Variants in ATAD1 observed in about 807,000 individuals in gnomAD.
The protein encoded by ATAD1 is outer mitochondrial transmembrane helix translocase.
ATAD1 carries 18 observed loss-of-function variants against 42.7 expected under a neutral mutation model. That is an observed-to-expected ratio of 0.42 (90% CI 0.29 to 0.63). ATAD1 has a LOEUF of 0.63. Among genes scored for constraint, ATAD1 ranks in the 20% least tolerant of loss-of-function variants. The probability of loss-of-function intolerance (pLI) is 0.19; values close to 1 mark genes in which losing one functional copy is unlikely to be tolerated. For synonymous variants in ATAD1, 132 were observed against 143.1 expected (o/e 0.92, Z 0.55); for missense variants, 294 against 440.4 (o/e 0.67, Z 2.98).
intron 1 of ATAD1, among the ~76,000 whole-genome samples, chr10:87,830,667 T>C (rs1021443653): frequency 6.6e-6 from 1 of 152,242 alleles, no homozygotes; most frequent in Non-Finnish European, 1.5e-5. Context: ...TACCACTCTC[T>C]AGAAAGTAAA....
chr10:87,780,489 T>TA (rs1176904469), intron 5 of ATAD1, among the ~76,000 whole-genome samples: 1 of 152,186 alleles, frequency 6.6e-6, no homozygotes, highest in African/African-American at 2.4e-5. Flanking sequence ...ATGCTAGTAT[T>TA]AATACTAGGA....
Position 87,778,728 on chromosome 10 carries a change from G to C in ATAD1, c.584-2301C>G, listed in dbSNP as rs117356666. 6.1e-3 allele frequency among the ~76,000 whole-genome samples: 929 copies of C among 152,090 alleles called. 10 individuals are homozygous for C. The highest frequency in any genetic ancestry group is 0.017 in the South Asian group (80 of 4,816). ...TTTTTGGATTACAGATGTTCAATCT[G>C]TATCTGCAAACACAAACAAAAAATT... On this transcript the variant is annotated intron_variant, in intron 5 of 9. Transcript: ENST00000680024.
chr10:87,816,633 C>T (rs974111740), intron 1 of ATAD1, among the ~76,000 whole-genome samples: 1 of 152,140 alleles, frequency 6.6e-6, no homozygotes, highest in Non-Finnish European at 1.5e-5. Context: ...CTTCATGGAA[C>T]AAACCAAAGT....
At chr10:87,830,334 C>A (rs921496686) in intron 1 of ATAD1, among the ~76,000 whole-genome samples, 10 of 152,166 alleles carry the variant, frequency 6.6e-5, no homozygotes, top group Admixed American at 2.0e-4. Context: ...GCTTTATGAC[C>A]AACTTTATTG....
intron 8 of ATAD1, among the ~76,000 whole-genome samples, chr10:87,763,028 C>T (rs1854564551): frequency 7.6e-6 from 1 of 130,866 alleles, no homozygotes; most frequent in East Asian, 2.2e-4. Flanking sequence ...TTGCAGTGAG[C>T]CAAGATCATG....
intron 5 of ATAD1, among the ~76,000 whole-genome samples, chr10:87,777,850 T>C (rs535040952): frequency 2.0e-5 from 3 of 152,270 alleles, no homozygotes; most frequent in African/African-American, 7.2e-5. Flanking sequence ...CCATGACACA[T>C]GAGAGTCCTG....
At chr10:87,832,748 G>A (rs930218857) in intron 1 of ATAD1, 1 of 152,084 alleles carries the variant, frequency 6.6e-6, no homozygotes, top group African/African-American at 2.4e-5. Flanking sequence ...TGTGAGTTCT[G>A]TTGAGATATT....
chr10:87,809,641 TTTTA>T (rs144658707), intron 2 of ATAD1, among the ~76,000 whole-genome samples: 3,081 of 150,322 alleles, frequency 0.02, 96 homozygotes, highest in African/African-American at 0.069. Context: ...TATTTATTAA[TTTTA>T]TTTATTTATT....
At chr10:87,820,631 C>T (rs949069089), upstream of ATAD1, among the ~76,000 whole-genome samples, 12 of 152,162 alleles carry the variant, frequency 7.9e-5, no homozygotes, top group African/African-American at 1.9e-4. Context: ...AATAAAGTCA[C>T]GAGGCTGACC....
chr10:87,834,560 T>C (rs1857896412), intron 1 of ATAD1, among the ~76,000 whole-genome samples: 1 of 152,206 alleles, frequency 6.6e-6, no homozygotes, highest in South Asian at 2.1e-4. Context: ...GTCATATTTA[T>C]GTGTGTTGAG....
chr10:87,794,938 T>C lies in ATAD1; in HGVS notation c.163-2183A>G, dbSNP rs768103900. Among the ~76,000 whole-genome samples the C allele has an allele frequency of 5.9e-5, 9 of 152,314 alleles. No homozygotes were observed. In the East Asian group the frequency reaches 7.7e-4, roughly 13 times the overall value. ...ACTTTAACAATCTCTTCAGATTGTA[T>C]TCACAATATATCATTAAAAGAAAAG... is the stretch of plus-strand genomic sequence containing the variant. On this transcript the variant is annotated intron_variant, in intron 2 of 9. Coordinates refer to ENST00000680024, the MANE Select transcript of ATAD1 (RefSeq NM_001321967.2).
chr10:87,815,972 C>G (rs1857397675), intron 1 of ATAD1, among the ~76,000 whole-genome samples: 1 of 152,084 alleles, frequency 6.6e-6, no homozygotes, highest in Non-Finnish European at 1.5e-5. Context: ...GCCATTTACC[C>G]TCATTCACCT....
intron 1 of ATAD1, among the ~76,000 whole-genome samples, chr10:87,839,315 T>C (rs1857987445): frequency 6.6e-6 from 1 of 152,218 alleles, no homozygotes; most frequent in Non-Finnish European, 1.5e-5. Context: ...TTTGGGCCAA[T>C]TATTTTTATT....
intron 1 of ATAD1, chr10:87,841,091 ACTGCTTCCACT>A: frequency 6.6e-6 from 1 of 152,220 alleles, no homozygotes; most frequent in Non-Finnish European, 1.5e-5. Flanking sequence ...TGGAAGCAGG[ACTGCTTCCACT>A]GTAGTGAAAG....
At chr10:87,781,177 C>T (rs56316206) in intron 5 of ATAD1, among the ~76,000 whole-genome samples, 1 of 151,674 alleles carries the variant, frequency 6.6e-6, no homozygotes, top group African/African-American at 2.4e-5. Flanking sequence ...AGGAAACAAA[C>T]CACTATTAAA....
chr10:87,818,940 C>T (rs1857559494), upstream of ATAD1: 1 of 152,290 alleles, frequency 6.6e-6, no homozygotes, highest in South Asian at 2.1e-4. Context: ...AGGGAGCAAA[C>T]CTGAAAGCCA....
intron 6 of ATAD1, among the ~76,000 whole-genome samples, chr10:87,773,655 A>G (rs1333275086): frequency 6.6e-6 from 1 of 152,200 alleles, no homozygotes; most frequent in Non-Finnish European, 1.5e-5. Context: ...TATTAGTGCA[A>G]TAAGGAATTT....
At chr10:87,833,526 A>G (rs1589578708) in intron 1 of ATAD1, among the ~76,000 whole-genome samples, 1 of 152,286 alleles carries the variant, frequency 6.6e-6, no homozygotes, top group East Asian at 1.9e-4. Context: ...GTGAGTGAAG[A>G]CATTCTTACC....
intron 1 of ATAD1, among the ~76,000 whole-genome samples, chr10:87,829,024 T>C (rs1029882790): frequency 6.6e-6 from 1 of 152,202 alleles, no homozygotes; most frequent in Admixed American, 6.5e-5. Context: ...AGAGCTCTGA[T>C]GGAGATGTAC....
Sources: gnomAD v4.1 joint callset for allele counts (sites outside exome capture counted in the v4.1 genomes callset) on GRCh38, gnomAD v4.1.1 for gene constraint, MANE v1.5 for transcripts, NCBI Gene and HGNC (gene_info 2026-07-23, HGNC 2026-07-21) for gene names.